Variants in OSTN observed in about 807,000 individuals in gnomAD.
OSTN encodes the protein osteocrin.
Under a neutral mutation model 12.0 loss-of-function variants are expected in OSTN, and 9 were observed. That is an observed-to-expected ratio of 0.75 (90% confidence interval 0.45 to 1.30). The LOEUF (loss-of-function observed/expected upper bound fraction) is 1.30. OSTN is among the 50% of genes most tolerant of loss of function. The pLI is 0.00. For missense variants in OSTN, 148 were observed against 152.3 expected (o/e 0.97, Z 0.15); for synonymous variants, 59 against 56.9 (o/e 1.04, Z -0.16).
intron 3 of OSTN, among the ~76,000 whole-genome samples, chr3:191,245,956 A>T (rs1052376653): frequency 2.0e-5 from 3 of 148,740 alleles, no homozygotes; most frequent in Non-Finnish European, 3.0e-5. Flanking sequence ...AATCCCAGCT[A>T]CTCCGGAGGC....
chr3:191,240,715 G>A (rs778234719), intron 3 of OSTN, among the ~76,000 whole-genome samples: 1 of 152,234 alleles, frequency 6.6e-6, no homozygotes, highest in Non-Finnish European at 1.5e-5. Context: ...CTTCCAAAAT[G>A]GCCCACTCAC....
Position 191,236,281 on chromosome 3 carries a change from G to A in OSTN, c.318-13756G>A, listed in dbSNP as rs12492020. ...GAAAGCATCCCATTTTAATATTCTGGTACATTCTTTTTTAAAAATCTCTAT... is the reference window on the plus strand; with the variant it reads ...GAAAGCATCCCATTTTAATATTCTGATACATTCTTTTTTAAAAATCTCTAT... On this transcript the variant is annotated intron_variant, in intron 3 of 4. Transcript: ENST00000682035. 3.1e-3 allele frequency among the ~76,000 whole-genome samples: 473 copies of A among 152,160 alleles called. 10 individuals are homozygous for A. Among genetic ancestry groups the A allele is most frequent in the Admixed American group, 0.027 (415 of 15,276 alleles).
At chr3:191,251,150 A>G (rs1274312504) in intron 4 of OSTN, among the ~76,000 whole-genome samples, 1 of 151,584 alleles carries the variant, frequency 6.6e-6, no homozygotes, top group Admixed American at 6.6e-5. Flanking sequence ...ATTAGTTAAT[A>G]TTATCATTAT....
At chr3:191,247,606 C>T (rs1715463227) in intron 3 of OSTN, among the ~76,000 whole-genome samples, 1 of 152,098 alleles carries the variant, frequency 6.6e-6, no homozygotes, top group Non-Finnish European at 1.5e-5. Context: ...TAATATGGCC[C>T]TATTTCTGTA....
chr3:191,253,792 A>G (rs1213410599), intron 4 of OSTN, among the ~76,000 whole-genome samples: 1 of 152,260 alleles, frequency 6.6e-6, no homozygotes, highest in Admixed American at 6.5e-5. Context: ...TTCTCTACAG[A>G]TCTACAGATG....
intron 4 of OSTN, among the ~76,000 whole-genome samples, chr3:191,256,276 A>G (rs776410471): frequency 2.3e-4 from 35 of 152,148 alleles, no homozygotes; most frequent in Admixed American, 5.2e-4. Context: ...AGTAAAACAC[A>G]TTTCAGACTT....
Position 191,218,279 on chromosome 3 carries a change from G to A in OSTN, c.103-468G>A, listed in dbSNP as rs908162124. On this transcript the variant is annotated intron_variant, in intron 2 of 4. Transcript: ENST00000682035. ...TCCCTTCGTTATACCCCTCTACTATGTGTTTCAGTCCCCAAAGATCTAGCA... is the reference window on the plus strand; with the variant it reads ...TCCCTTCGTTATACCCCTCTACTATATGTTTCAGTCCCCAAAGATCTAGCA... Among the ~76,000 whole-genome samples the A allele has an allele frequency of 2.0e-5, 3 of 151,876 alleles. No homozygotes were observed. The East Asian group carries it at 5.8e-4, about 29-fold the overall frequency.
rs756850110 is a variant in OSTN, at chr3:191,218,744, T to C, written c.103-3T>C. ...AACGGAATCGCCTTTCTCTGCCTTA[T>C]AGGCCTTTGATTCTGGAGTCATAGA... On this transcript the variant is annotated splice_polypyrimidine_tract_variant and splice_region_variant and intron_variant, in intron 2 of 4. Coordinates refer to ENST00000682035, the MANE Select transcript of OSTN (RefSeq NM_198184.2). 8 of 1,612,926 alleles carry C rather than the reference T, an allele frequency of 5.0e-6. No individual in the cohort carries two copies. The highest frequency in any genetic ancestry group is 1.7e-5 in the Admixed American group (1 of 59,968).
chr3:191,206,188 GA>G (rs35445444), intron 1 of OSTN, among the ~76,000 whole-genome samples: 58,156 of 129,258 alleles, frequency 0.45, 11,906 homozygotes, highest in African/African-American at 0.58. Flanking sequence ...CTCCATCTCA[GA>G]AAAAAAAAAA....
At chr3:191,252,407 A>C (rs552881020) in intron 4 of OSTN, among the ~76,000 whole-genome samples, 1 of 152,186 alleles carries the variant, frequency 6.6e-6, no homozygotes, top group Non-Finnish European at 1.5e-5. Context: ...AATTTCAGCA[A>C]CTACCAAACT....
intron 4 of OSTN, among the ~76,000 whole-genome samples, chr3:191,253,142 A>G (rs377596666): frequency 1.6e-4 from 24 of 152,342 alleles, no homozygotes; most frequent in Admixed American, 4.6e-4. Context: ...TTGGTTATAC[A>G]TTTCTAAGAC....
At chr3:191,233,999 A>G (rs1576932781) in intron 3 of OSTN, among the ~76,000 whole-genome samples, 1 of 144,934 alleles carries the variant, frequency 6.9e-6, no homozygotes, top group African/African-American at 2.4e-5. Flanking sequence ...TCTCAAAAAA[A>G]AAAAAATTGA....
At chr3:191,247,222 G>A (rs911199008) in intron 3 of OSTN, among the ~76,000 whole-genome samples, 3 of 152,134 alleles carry the variant, frequency 2.0e-5, no homozygotes, top group African/African-American at 7.2e-5. Flanking sequence ...GAGCATGACT[G>A]ATAGGCATGG....
chr3:191,233,897 C>A (rs1057414582), intron 3 of OSTN, among the ~76,000 whole-genome samples: 3 of 151,794 alleles, frequency 2.0e-5, no homozygotes, highest in Non-Finnish European at 4.4e-5. Flanking sequence ...GGGGCTGAGG[C>A]AGGAGAATCA....
At chr3:191,237,477 GA>G (rs1311434055) in intron 3 of OSTN, among the ~76,000 whole-genome samples, 1 of 152,204 alleles carries the variant, frequency 6.6e-6, no homozygotes, top group Non-Finnish European at 1.5e-5. Flanking sequence ...GAGCAGGAAT[GA>G]AAAGTGAAGT....
intron 4 of OSTN, among the ~76,000 whole-genome samples, chr3:191,261,760 T>C (rs1351211129): frequency 2.0e-5 from 3 of 152,240 alleles, no homozygotes; most frequent in Admixed American, 2.0e-4. Flanking sequence ...TCTGAAATCA[T>C]TAATATATTG....
intron 3 of OSTN, among the ~76,000 whole-genome samples, chr3:191,232,816 T>C (rs2108542195): frequency 6.6e-6 from 1 of 152,266 alleles, no homozygotes; most frequent in Non-Finnish European, 1.5e-5. Context: ...TGTTTCTCCA[T>C]GTTGGCCAGC....
At chr3:191,224,831 A>G (rs1448704258) in intron 3 of OSTN, among the ~76,000 whole-genome samples, 1 of 152,130 alleles carries the variant, frequency 6.6e-6, no homozygotes, top group Non-Finnish European at 1.5e-5. Flanking sequence ...TAAAAATACA[A>G]TATGATGGGC....
At chr3:191,245,788 G>A (rs73199670) in intron 3 of OSTN, among the ~76,000 whole-genome samples, 36,963 of 151,896 alleles carry the variant, frequency 0.24, 5,345 homozygotes, top group East Asian at 0.37. Context: ...AAAAGAGGCC[G>A]GGCACAGTGG....
Sources: gnomAD v4.1 joint callset for allele counts (sites outside exome capture counted in the v4.1 genomes callset) on GRCh38, gnomAD v4.1.1 for gene constraint, MANE v1.5 for transcripts, NCBI Gene and HGNC (gene_info 2026-07-23, HGNC 2026-07-21) for gene names.